The following PHLPP1 variants were observed in gnomAD, a reference collection of about 807,000 sequenced individuals.
The protein encoded by PHLPP1 is PH domain leucine-rich repeat-containing protein phosphatase 1.
A neutral mutation model predicts 117.2 loss-of-function variants in PHLPP1; 42 were observed. The ratio of observed to expected loss-of-function variants is 0.36; its 90% CI spans 0.28 to 0.46. PHLPP1 has a LOEUF of 0.46. Ranked by LOEUF, PHLPP1 falls within the 20% of genes least tolerant of loss-of-function variation. The pLI, the probability that PHLPP1 is intolerant of heterozygous loss-of-function variation, is 1.00. For missense variants in PHLPP1, 2,084 were observed against 2,241.9 expected (o/e 0.93, Z 1.42); for synonymous variants, 1,042 against 970.7 (o/e 1.07, Z -1.37).
intron 10 of PHLPP1, among the ~76,000 whole-genome samples, chr18:62,934,776 CAT>C (rs1555682966): frequency 6.6e-6 from 1 of 152,162 alleles, no homozygotes; most frequent in Admixed American, 6.5e-5. Context: ...TTCCTCAGCT[CAT>C]GTGTGGATAA....
chr18:62,942,284 G>T (rs1350474389), intron 11 of PHLPP1, among the ~76,000 whole-genome samples: 5 of 152,152 alleles, frequency 3.3e-5, no homozygotes, highest in African/African-American at 1.2e-4. Context: ...TACTCGGGAG[G>T]CTGACATGGG....
chr18:62,975,398 A>C lies in PHLPP1; in HGVS notation c.3757A>C (p.Lys1253Gln), dbSNP rs1911160573. The change falls in exon 16 of 17, where the codon AAA becomes CAA. Residue 1253 changes from lysine (K) to glutamine (Q), a missense_variant and splice_region_variant. By Grantham distance (53) the Lys-to-Gln change is moderately conservative. This residue lies in a region of PHLPP1 where 1,365 missense variants were observed against 1,605.9 expected (regional missense o/e 0.85). Coordinates refer to ENST00000262719, the MANE Select transcript of PHLPP1 (RefSeq NM_194449.4). ...MVNTFIVMQR[K>Q]LGTAGQKLGG... ...TCACCCCCTCTCTTCGGATTCCAGGAAACTTGGAACTGCTGGGCAGAAGCT... is the reference window on the plus strand; with the variant it reads ...TCACCCCCTCTCTTCGGATTCCAGGCAACTTGGAACTGCTGGGCAGAAGCT... 1 of 1,610,578 alleles carries C rather than the reference A, an allele frequency of 6.2e-7. No homozygotes were observed. The highest frequency in any genetic ancestry group is 1.3e-5 in the African/African-American group (1 of 74,938).
chr18:62,731,513 C>T (rs753220698), intron 1 of PHLPP1, among the ~76,000 whole-genome samples: 5 of 152,148 alleles, frequency 3.3e-5, no homozygotes, highest in Non-Finnish European at 5.9e-5. Context: ...CTCCTGGGGC[C>T]TCCCTATTCC....
intron 6 of PHLPP1, among the ~76,000 whole-genome samples, chr18:62,899,910 T>C (rs1916668908): frequency 6.6e-6 from 1 of 152,190 alleles, no homozygotes; most frequent in Admixed American, 6.5e-5. Context: ...CTCAAGTTGT[T>C]CTCCTGCCTT....
At chr18:62,730,676 C>T (rs1346472799) in intron 1 of PHLPP1, among the ~76,000 whole-genome samples, 1 of 151,558 alleles carries the variant, frequency 6.6e-6, no homozygotes, top group Non-Finnish European at 1.5e-5. Context: ...ACAAAAAAAT[C>T]AGCTACTCGG....
At chr18:62,900,378 A>G (rs11664248) in intron 6 of PHLPP1, among the ~76,000 whole-genome samples, 8,680 of 145,726 alleles carry the variant, frequency 0.06, 474 homozygotes, top group East Asian at 0.2. Context: ...CATCATGGTG[A>G]CTGTGGTCAA....
At chr18:62,959,632 A>G (rs1272545758) in intron 13 of PHLPP1, among the ~76,000 whole-genome samples, 1 of 152,178 alleles carries the variant, frequency 6.6e-6, no homozygotes, top group Non-Finnish European at 1.5e-5. Context: ...TATGCATGCC[A>G]TATATGTTTA....
intron 6 of PHLPP1, among the ~76,000 whole-genome samples, chr18:62,899,051 C>T (rs1051985768): frequency 2.0e-5 from 3 of 152,198 alleles, no homozygotes; most frequent in Non-Finnish European, 2.9e-5. Flanking sequence ...CCAACTGCTT[C>T]GGCCTCCCAA....
intron 1 of PHLPP1, among the ~76,000 whole-genome samples, chr18:62,754,732 T>C (rs1457401538): frequency 2.0e-5 from 3 of 152,202 alleles, no homozygotes; most frequent in Non-Finnish European, 4.4e-5. Flanking sequence ...AACAATGATA[T>C]ATACAACATA....
intron 3 of PHLPP1, among the ~76,000 whole-genome samples, chr18:62,859,552 A>G (rs947484262): frequency 2.6e-5 from 4 of 152,240 alleles, no homozygotes; most frequent in African/African-American, 9.6e-5. Context: ...CAGACAGGCA[A>G]TGGAATCTGA....
Position 62,715,734 on chromosome 18 carries a change from G to A in PHLPP1, c.51G>A (p.Arg17=), listed in dbSNP as rs1910697882. Residue 17 remains arginine (R), a synonymous_variant, in exon 1 of 17, where the codon AGG becomes AGA. Transcript: ENST00000262719. ...TACAGCGACTCCCCGAGCTCGGCAG[G>A]GAGGACCGAGCTTCGGCTCCGGCGG... is the stretch of plus-strand genomic sequence containing the variant. ...ATVQRLPELG[R]EDRASAPAAA... 3.2e-6 allele frequency: 4 copies of A among 1,240,086 alleles called. No homozygotes were observed. The South Asian group carries it at 9.7e-5, about 30-fold the overall frequency. 76.8% of individuals were successfully genotyped at this position (1,240,086 alleles called of 1,614,324 possible). A position where few individuals can be genotyped will look rare whatever the true frequency, so the allele number is the denominator to read the frequency against.
chr18:62,929,818 A>G (rs1725100234), intron 10 of PHLPP1, among the ~76,000 whole-genome samples: 1 of 152,106 alleles, frequency 6.6e-6, no homozygotes, highest in South Asian at 2.1e-4. Flanking sequence ...GCATGGTTAC[A>G]TACACTTAGA....
Position 62,807,894 on chromosome 18 carries a change from A to C in PHLPP1, c.1577-22141A>C, listed in dbSNP as rs543442564. 2.3e-4 allele frequency among the ~76,000 whole-genome samples: 35 copies of C among 152,314 alleles called. 1 individual carries two copies. In the South Asian group the frequency reaches 4.1e-3, roughly 18 times the overall value. On this transcript the variant is annotated intron_variant, in intron 1 of 16. Coordinates refer to ENST00000262719, the MANE Select transcript of PHLPP1 (RefSeq NM_194449.4). ...GAGTGGTGAGAGAATATGAAGGCCT[A>C]GGACATTACTGTACACTACTGTAGA...
At chr18:62,732,287 C>T (rs143518768) in intron 1 of PHLPP1, among the ~76,000 whole-genome samples, 177 of 152,284 alleles carry the variant, frequency 1.2e-3, no homozygotes, top group African/African-American at 4.0e-3. Context: ...TAAGTTGAAG[C>T]GGATGCTCAT....
At chr18:62,952,536 A>G (rs563928553) in intron 12 of PHLPP1, among the ~76,000 whole-genome samples, 1 of 152,306 alleles carries the variant, frequency 6.6e-6, no homozygotes, top group Admixed American at 6.5e-5. Context: ...TTTAAAAGGA[A>G]TGCTTTATAC....
intron 6 of PHLPP1, among the ~76,000 whole-genome samples, chr18:62,896,579 G>A (rs1020123121): frequency 3.9e-5 from 6 of 152,074 alleles, no homozygotes; most frequent in Non-Finnish European, 4.4e-5. Flanking sequence ...ACAGGCATGA[G>A]CCACCATGCC....
At chr18:62,744,993 C>CA (rs2122078614) in intron 1 of PHLPP1, among the ~76,000 whole-genome samples, 1 of 152,252 alleles carries the variant, frequency 6.6e-6, no homozygotes, top group Admixed American at 6.5e-5. Flanking sequence ...GGATAGAGCC[C>CA]ACAAACTTGA....
rs1195087827 is a variant in PHLPP1, at chr18:62,859,459, A to G, written c.1900-976A>G. 2.6e-5 allele frequency among the ~76,000 whole-genome samples: 4 copies of G among 152,242 alleles called. No individual in the cohort carries two copies. In the East Asian group the frequency reaches 5.8e-4, roughly 22 times the overall value. ...TATTTAGACATAAAATAAGTTTTAC[A>G]TAAAATACTTACATGAAGCAAAGCA... On this transcript the variant is annotated intron_variant, in intron 3 of 16. Coordinates refer to ENST00000262719, the MANE Select transcript of PHLPP1 (RefSeq NM_194449.4).
chr18:62,976,250 G>A (rs778379942), intron 16 of PHLPP1, among the ~76,000 whole-genome samples: 10 of 152,148 alleles, frequency 6.6e-5, no homozygotes, highest in Non-Finnish European at 8.8e-5. Flanking sequence ...AGTGGATTGA[G>A]GCCACTGAGC....
Sources: gnomAD v4.1 joint callset for allele counts (sites outside exome capture counted in the v4.1 genomes callset) on GRCh38, gnomAD v4.1.1 for gene constraint, gnomAD v4.1.1 regional missense constraint, MANE v1.5 for transcripts, NCBI Gene and HGNC (gene_info 2026-07-23, HGNC 2026-07-21) for gene names.